CALCR: variants seen among roughly 807,000 people sequenced by gnomAD.
CALCR encodes the protein calcitonin receptor.
A neutral mutation model predicts 59.5 loss-of-function variants in CALCR; 47 were observed. That is an observed-to-expected ratio of 0.79 (90% CI 0.63 to 1.01). The LOEUF is 1.01. CALCR is among the 50% of genes least tolerant of loss of function. The probability of loss-of-function intolerance (pLI) is 0.00; values close to 1 mark genes in which losing one functional copy is unlikely to be tolerated. For synonymous variants in CALCR, 213 were observed against 211.3 expected (o/e 1.01, Z -0.07); for missense variants, 566 against 597.1 (o/e 0.95, Z 0.54).
intron 3 of CALCR, among the ~76,000 whole-genome samples, chr7:93,483,430 TAG>T (rs1800847541): frequency 7.3e-6 from 1 of 137,218 alleles, no homozygotes; most frequent in South Asian, 2.2e-4. Context: ...GATAGATAGA[TAG>T]ATAGATAGAT....
chr7:93,489,663 T>A (rs1288415426), intron 2 of CALCR, among the ~76,000 whole-genome samples: 1 of 151,812 alleles, frequency 6.6e-6, no homozygotes, highest in East Asian at 1.9e-4. Context: ...CTAGAAAATC[T>A]AGAAGAAATT....
At chr7:93,428,035 G>A (rs1230724749) in intron 13 of CALCR, among the ~76,000 whole-genome samples, 1 of 152,162 alleles carries the variant, frequency 6.6e-6, no homozygotes, top group Non-Finnish European at 1.5e-5. Context: ...GTTAATGAGT[G>A]CTTGCATGAA....
intron 2 of CALCR, among the ~76,000 whole-genome samples, chr7:93,544,501 TAGA>T (rs1789231690): frequency 1.3e-5 from 2 of 152,202 alleles, no homozygotes; most frequent in Non-Finnish European, 2.9e-5. Context: ...TAAAACATCT[TAGA>T]TGTATTTTTA....
chr7:93,528,190 A>G (rs1474148144), intron 2 of CALCR, among the ~76,000 whole-genome samples: 1 of 152,202 alleles, frequency 6.6e-6, no homozygotes, highest in Non-Finnish European at 1.5e-5. Flanking sequence ...CCCATTGCTT[A>G]CTACACTCAT....
chr7:93,492,019 A>G (rs762723332), intron 2 of CALCR, among the ~76,000 whole-genome samples: 11 of 151,960 alleles, frequency 7.2e-5, no homozygotes, highest in Non-Finnish European at 1.3e-4. Flanking sequence ...CATCAAAGAT[A>G]GACCGTATAA....
chr7:93,498,850 A>C (rs958146061), intron 2 of CALCR, among the ~76,000 whole-genome samples: 3 of 151,758 alleles, frequency 2.0e-5, no homozygotes, highest in Admixed American at 6.6e-5. Flanking sequence ...GATTGTAATT[A>C]GCATGTTCAA....
chr7:93,536,531 TTTTTA>T (rs139073681), intron 2 of CALCR, among the ~76,000 whole-genome samples: 42,493 of 151,378 alleles, frequency 0.28, 7,048 homozygotes, highest in South Asian at 0.38. Context: ...AGAGGAAACC[TTTTTA>T]TTTTATTTTT....
chr7:93,426,114 A>T lies in CALCR; in HGVS notation c.*242T>A. ...TTGCTTGCATTACTGTGACATTTGC[A>T]TCTCAGTCCTGGATGAATGATGGAG... On this transcript the variant is annotated 3_prime_UTR_variant, in exon 14 of 14. Transcript: ENST00000426151. 7.1e-6 allele frequency: 3 copies of T among 423,268 alleles called. No individual in the cohort carries two copies. The highest frequency in any genetic ancestry group is 1.2e-5 in the Non-Finnish European group (3 of 240,736). 26.2% of individuals were successfully genotyped at this position (423,268 alleles called of 1,614,324 possible). A position where few individuals can be genotyped will look rare whatever the true frequency, so the allele number is the denominator to read the frequency against.
intron 7 of CALCR, among the ~76,000 whole-genome samples, chr7:93,466,615 C>A (rs980102568): frequency 6.6e-6 from 1 of 151,710 alleles, no homozygotes; most frequent in African/African-American, 2.4e-5. Flanking sequence ...CAGTTCATTT[C>A]TTCTCATTAT....
intron 7 of CALCR, chr7:93,461,954 CACTA>C (rs1800345184): frequency 2.9e-6 from 2 of 698,166 alleles, no homozygotes; most frequent in East Asian, 2.8e-5. Context: ...TGACTCATAA[CACTA>C]ACTATTCCTA....
rs1800475962 is a variant in CALCR at position 93,467,978 on chromosome 7, T to C, written c.521+737A>G. Among the ~76,000 whole-genome samples the C allele has an allele frequency of 2.0e-5, 3 of 151,694 alleles. No homozygotes were observed. The Admixed American group carries it at 2.0e-4, about 10-fold the overall frequency. On this transcript the variant is annotated intron_variant, in intron 7 of 13. Coordinates refer to ENST00000426151, the MANE Select transcript of CALCR (RefSeq NM_001742.4). ...ATACACATACAGTTTACTCTGAATCTACATTTGTGAACATACTTGAGAAAT... is the reference window on the plus strand; with the variant it reads ...ATACACATACAGTTTACTCTGAATCCACATTTGTGAACATACTTGAGAAAT...
Position 93,426,501 on chromosome 7 carries a change from CG to C in CALCR, c.1279del (p.Arg427AlafsTer21), listed in dbSNP as rs994710524. The C allele has an allele frequency of 7.4e-6, 12 of 1,613,830 alleles. No individual in the cohort carries two copies. The highest frequency in any genetic ancestry group is 1.0e-5 in the Non-Finnish European group (12 of 1,179,808). ...AGCCTCCGCAGCAGCGGCTGCAGCG[CG>C]AGCAGAGCGGTTGGAGGGGCGCCTC... ...WGRRPSNRSARAAAAAAEAGD... is the reference protein window; with the variant it reads ...WGRRPSNRSAXAAAAAAEAGD... On this transcript the variant is annotated frameshift_variant, in exon 14 of 14. Transcript: ENST00000426151. LOFTEE classifies it high-confidence loss of function.
intron 2 of CALCR, among the ~76,000 whole-genome samples, chr7:93,555,237 G>A (rs1789566759): frequency 6.6e-6 from 1 of 152,060 alleles, no homozygotes; most frequent in African/African-American, 2.4e-5. Flanking sequence ...AATAAAAGGA[G>A]GTCAGGGTTT....
intron 2 of CALCR, among the ~76,000 whole-genome samples, chr7:93,565,452 T>C (rs1196954907): frequency 2.0e-5 from 3 of 152,328 alleles, no homozygotes; most frequent in East Asian, 1.9e-4. Context: ...TGAGAAGAAA[T>C]GCTAAGTTTC....
intron 2 of CALCR, among the ~76,000 whole-genome samples, chr7:93,531,967 T>TAACA (rs1788853671): frequency 6.6e-6 from 1 of 151,472 alleles, no homozygotes; most frequent in Admixed American, 6.6e-5. Context: ...TGAATGTGAT[T>TAACA]AACATATACT....
intron 2 of CALCR, 21 bp from the exon 3 acceptor site, chr7:93,487,028 C>A (rs759390676): frequency 9.2e-6 from 12 of 1,297,684 alleles, no homozygotes; most frequent in Non-Finnish European, 1.3e-5. Flanking sequence ...ATAAAAGCAA[C>A]AAAGACTAAA....
At chr7:93,493,533 G>A (rs1234253715) in intron 2 of CALCR, among the ~76,000 whole-genome samples, 1 of 151,204 alleles carries the variant, frequency 6.6e-6, no homozygotes, top group East Asian at 2.0e-4. Context: ...TCAGTTCCCT[G>A]GCAACAGCCT....
chr7:93,432,442 G>A (rs1196692771), intron 13 of CALCR, among the ~76,000 whole-genome samples: 3 of 152,094 alleles, frequency 2.0e-5, no homozygotes, highest in Non-Finnish European at 4.4e-5. Context: ...TAAAATCCAT[G>A]GGTCTGTGAT....
At chr7:93,544,969 T>C (rs1051067618) in intron 2 of CALCR, among the ~76,000 whole-genome samples, 6 of 152,278 alleles carry the variant, frequency 3.9e-5, no homozygotes, top group African/African-American at 1.4e-4. Context: ...TCATCTTTTC[T>C]GGAGCTGTCT....
Sources: gnomAD v4.1 joint callset for allele counts (sites outside exome capture counted in the v4.1 genomes callset) on GRCh38, gnomAD v4.1.1 for gene constraint, MANE v1.5 for transcripts, NCBI Gene and HGNC (gene_info 2026-07-23, HGNC 2026-07-21) for gene names.